PDPR: variants seen among roughly 807,000 people sequenced by gnomAD.
PDPR encodes pyruvate dehydrogenase phosphatase regulatory subunit, mitochondrial.
Under a neutral mutation model 102.2 loss-of-function variants are expected in PDPR, and 50 were observed. That is an observed-to-expected ratio of 0.49 (90% CI 0.39 to 0.62). The LOEUF is 0.62. PDPR is among the 20% of genes least tolerant of loss of function. PDPR has a pLI of 0.00. For missense variants in PDPR, 625 were observed against 1,098.2 expected (o/e 0.57, Z 6.09); for synonymous variants, 259 against 406.0 (o/e 0.64, Z 4.35).
chr16:70,130,574 T>A (rs765464061), intron 7 of PDPR, 30 bp downstream of exon 7: 3 of 1,612,280 alleles, frequency 1.9e-6, no homozygotes, highest in East Asian at 2.2e-5. Flanking sequence ...GCTGTTCTTA[T>A]TTAACGTTTG....
At chr16:70,122,700 A>G (rs2152064859) in intron 3 of PDPR, among the ~76,000 whole-genome samples, 1 of 152,388 alleles carries the variant, frequency 6.6e-6, no homozygotes, top group South Asian at 2.1e-4. Context: ...GCATCCATTG[A>G]CAACTGTTGC....
chr16:70,120,525 A>G lies in PDPR; in HGVS notation c.33A>G (p.Gly11=), dbSNP rs1235577706. The G allele has an allele frequency of 6.2e-7, 1 of 1,613,990 alleles. No individual in the cohort carries two copies. Among genetic ancestry groups the G allele is most frequent in the Admixed American group, 1.7e-5 (1 of 60,024 alleles). MMFYRLLSIV[G]RQRASPGWQN... The stretch of plus-strand genomic sequence containing the variant: ...TCTACCGGTTGCTGTCGATTGTTGG[A>G]AGACAAAGAGCCAGCCCAGGATGGC... Residue 11 remains glycine (G), a synonymous_variant, in exon 3 of 19, where the codon GGA becomes GGG. Coordinates refer to ENST00000288050, the MANE Select transcript of PDPR (RefSeq NM_017990.5).
At chr16:70,156,286 G>A (rs144024583) in intron 18 of PDPR, 189 bp from the exon 19 acceptor site, 1,018 of 669,044 alleles carry the variant, frequency 1.5e-3, no homozygotes, top group Admixed American at 7.8e-3. Context: ...TTACCGCGGC[G>A]TCTTTTATAT....
At position 70,120,556 on chromosome 16, in the gene PDPR, T is replaced by A. The variant is rs772817942; in HGVS notation, c.64T>A (p.Trp22Arg). The change falls in exon 3 of 19, where the codon TGG (tryptophan) becomes AGG (arginine). Residue 22 changes from tryptophan to arginine, a missense_variant. Coordinates refer to ENST00000288050, the MANE Select transcript of PDPR (RefSeq NM_017990.5). ...RQRASPGWQN[W>R]SSARNSTSAA... is the part of the protein sequence containing the mutation. ...AAGAGCCAGCCCAGGATGGCAGAAC[T>A]GGTCCTCTGCAAGAAACAGCACGTC... 1 of 1,614,036 alleles carries A rather than the reference T, an allele frequency of 6.2e-7. No homozygotes were observed.
chr16:70,152,435 C>G (rs1461374862), intron 17 of PDPR, among the ~76,000 whole-genome samples: 3 of 152,268 alleles, frequency 2.0e-5, no homozygotes, highest in African/African-American at 4.8e-5. Context: ...AGGAGATTCA[C>G]TTGAACCCGG....
intron 18 of PDPR, 140 bp downstream of exon 18, chr16:70,153,713 A>G (rs1966858056): frequency 1.1e-6 from 1 of 927,636 alleles, no homozygotes; most frequent in Non-Finnish European, 1.6e-6. Flanking sequence ...AATGAGGACA[A>G]GAGTGCCCTG....
intron 11 of PDPR, 127 bp from the exon 12 acceptor site, chr16:70,142,107 A>C: frequency 1.7e-6 from 2 of 1,189,592 alleles, no homozygotes; most frequent in Non-Finnish European, 2.3e-6. Context: ...TCTTAAAAAA[A>C]AAAAAAAACT....
chr16:70,142,854 T>C (rs1965871925), intron 13 of PDPR, among the ~76,000 whole-genome samples, 168 bp downstream of exon 13: 1 of 152,236 alleles, frequency 6.6e-6, no homozygotes. Flanking sequence ...GAGGTCAGAG[T>C]TCCAGACCAG....
At chr16:70,130,691 A>G (rs982981964) in intron 7 of PDPR, 147 bp downstream of exon 7, 1 of 1,080,572 alleles carries the variant, frequency 9.3e-7, no homozygotes, top group East Asian at 2.6e-5. Flanking sequence ...TCAGAAACCT[A>G]CACTTAGTCT....
At chr16:70,134,141 A>G (rs1057276869) in intron 9 of PDPR, among the ~76,000 whole-genome samples, 1 of 152,194 alleles carries the variant, frequency 6.6e-6, no homozygotes, top group Non-Finnish European at 1.5e-5. Context: ...TAGAAAACAG[A>G]ATTGTTTTGT....
chr16:70,153,216 C>A (rs1966842806), intron 17 of PDPR, among the ~76,000 whole-genome samples, 175 bp from the exon 18 acceptor site: 1 of 152,260 alleles, frequency 6.6e-6, no homozygotes, highest in African/African-American at 2.4e-5. Context: ...TGGGGTGACC[C>A]CAGCTCATCA....
Position 70,120,496 on chromosome 16 carries a change from A to T in PDPR, c.4A>T (p.Met2Leu). Residue 2 changes from methionine to leucine, a missense_variant, in exon 3 of 19, where the codon ATG (methionine) becomes TTG (leucine). Physicochemically the swap from Met to Leu is conservative, Grantham distance 15. Around this residue, in one of 11 missense-constraint regions of PDPR, gnomAD observed 84 missense variants for 87.7 expected, o/e 0.96. Transcript: ENST00000288050. The part of the protein sequence containing the change: M[M>L]FYRLLSIVGR... The stretch of plus-strand genomic sequence containing the variant: ...TGAGATCTAGTTGGTGAGAGACATG[A>T]TGTTCTACCGGTTGCTGTCGATTGT... The T allele has an allele frequency of 6.2e-7, 1 of 1,613,504 alleles. No homozygotes were observed. Among genetic ancestry groups the T allele is most frequent in the South Asian group, 1.1e-5 (1 of 91,048 alleles).
intron 3 of PDPR, among the ~76,000 whole-genome samples, chr16:70,126,409 G>A (rs566366939): frequency 9.7e-4 from 147 of 152,330 alleles, no homozygotes; most frequent in Non-Finnish European, 1.1e-3. Flanking sequence ...TGTCACCCAG[G>A]CTGGAACGCC....
chr16:70,149,234 A>G (rs1008780028), intron 17 of PDPR, among the ~76,000 whole-genome samples: 1 of 149,606 alleles, frequency 6.7e-6, no homozygotes, highest in African/African-American at 2.5e-5. Context: ...GCATACTGCT[A>G]TTCTTCATCC....
chr16:70,137,326 A>G (rs1182082328), intron 10 of PDPR, among the ~76,000 whole-genome samples: 2 of 152,242 alleles, frequency 1.3e-5, no homozygotes, highest in Non-Finnish European at 2.9e-5. Flanking sequence ...ACTGCACTCC[A>G]GCCTGGGCAA....
chr16:70,144,685 G>A (rs1312072583), intron 15 of PDPR, among the ~76,000 whole-genome samples, 152 bp downstream of exon 15: 7 of 152,246 alleles, frequency 4.6e-5, no homozygotes, highest in South Asian at 2.1e-4. Context: ...TAGGGGATGC[G>A]GTGGCTGACA....
intron 17 of PDPR, among the ~76,000 whole-genome samples, chr16:70,150,095 T>TTTTTTTTTTTTTC (rs1966597697): frequency 7.3e-6 from 1 of 137,204 alleles, no homozygotes; most frequent in Non-Finnish European, 1.5e-5. Context: ...GGCCGGCTTT[T>TTTTTTTTTTTTTC]TTTTTTTTTT....
intron 8 of PDPR, 194 bp from the exon 9 acceptor site, chr16:70,131,957 G>A (rs778579480): frequency 6.6e-7 from 1 of 1,513,166 alleles, no homozygotes; most frequent in Admixed American, 2.0e-5. Context: ...AAGGCTAAAT[G>A]GGAGGATCTT....
At chr16:70,141,866 G>GGGGC (rs1380412139) in intron 11 of PDPR, among the ~76,000 whole-genome samples, 6 of 152,280 alleles carry the variant, frequency 3.9e-5, no homozygotes, top group African/African-American at 1.4e-4. Context: ...TCGGGAGGCT[G>GGGGC]GGGCGGGCAG....
Sources: gnomAD v4.1 joint callset for allele counts (sites outside exome capture counted in the v4.1 genomes callset) on GRCh38, gnomAD v4.1.1 for gene constraint, gnomAD v4.1.1 regional missense constraint, MANE v1.5 for transcripts, NCBI Gene and HGNC (gene_info 2026-07-23, HGNC 2026-07-21) for gene names.